Variants in ALDH4A1 observed in about 807,000 individuals in gnomAD.
The protein encoded by ALDH4A1 is delta-1-pyrroline-5-carboxylate dehydrogenase, mitochondrial.
In ALDH4A1, 46 loss-of-function variants were observed where a neutral mutation model predicts 70.5. That is an observed-to-expected ratio of 0.65 (90% CI 0.51 to 0.83). The LOEUF (loss-of-function observed/expected upper bound fraction) is 0.83, where lower values mean the gene tolerates loss of function less well. ALDH4A1 is among the 40% of genes least tolerant of loss of function. The pLI is 0.00. For missense variants in ALDH4A1, 749 were observed against 766.5 expected, an observed-to-expected ratio of 0.98 and a Z score of 0.27; for synonymous variants, 323 against 324.3, an observed-to-expected ratio of 1.00 and a Z score of 0.04.
In ALDH4A1 at chr1:18,877,489, TAG is replaced by T. The variant is rs765634333; in HGVS notation, c.1062_1063del (p.Tyr355ArgfsTer38). On this transcript the variant is annotated frameshift_variant, in exon 10 of 15. Coordinates refer to ENST00000375341, the MANE Select transcript of ALDH4A1 (RefSeq NM_003748.4). LOFTEE classifies it high-confidence loss of function. ...CTGCGGCCACAGCGAGTGCGGCACG[TAG>T]AGACGCGAGCACGCGGAACACTTCT... 12 of 1,603,774 alleles carry T rather than the reference TAG, an allele frequency of 7.5e-6. No individual in the cohort carries two copies. The highest frequency in any genetic ancestry group is 8.5e-6 in the Non-Finnish European group (10 of 1,175,488).
intron 1 of ALDH4A1, among the ~76,000 whole-genome samples, chr1:18,895,000 T>C (rs1935568696): frequency 6.6e-6 from 1 of 151,994 alleles, no homozygotes; most frequent in African/African-American, 2.4e-5. Context: ...ATGAGGACCT[T>C]CTTGGCAGGA....
In ALDH4A1 at chr1:18,872,741, G is replaced by T. The variant is rs1197275490; in HGVS notation, c.*104C>A. 2 of 821,718 alleles carry T rather than the reference G, an allele frequency of 2.4e-6. No homozygotes were observed. The highest frequency in any genetic ancestry group is 3.9e-5 in the Admixed American group (2 of 51,496). The allele number at this position is 821,718 out of a possible 1,614,324, so 50.9% of individuals were successfully genotyped here. A position where few individuals can be genotyped will look rare whatever the true frequency, so the allele number is the denominator to read the frequency against. On this transcript the variant is annotated 3_prime_UTR_variant, in exon 15 of 15. Coordinates refer to ENST00000375341, the MANE Select transcript of ALDH4A1 (RefSeq NM_003748.4). ...GGAGTCAAGCCCGGATTATAGAAAGGCAGCTGTGCATGAAGAAGGGGTGGA... is the reference window on the plus strand; with the variant it reads ...GGAGTCAAGCCCGGATTATAGAAAGTCAGCTGTGCATGAAGAAGGGGTGGA...
At position 18,902,485 on chromosome 1, in the gene ALDH4A1, C is replaced by T; in HGVS notation, c.39G>A (p.Leu13=). ...ACCCGGCCCCGGTCCAGGGGCGGGA[C>T]AGCAGGGCGCGGCGGAGCGCGGGCG... ...LPAPALRRAL[L]SRPWTGAGLR... is the part of the protein sequence containing the mutation. The change falls in exon 1 of 15, where the codon CTG becomes CTA. Residue 13 remains leucine (L), a synonymous_variant. Transcript: ENST00000375341. 1 of 1,469,306 alleles carries T rather than the reference C, an allele frequency of 6.8e-7. No individual in the cohort carries two copies. The highest frequency in any genetic ancestry group is 1.3e-5 in the South Asian group (1 of 76,238). The allele number at this position is 1,469,306 out of a possible 1,614,324, so 91.0% of individuals were successfully genotyped here. A position where few individuals can be genotyped will look rare whatever the true frequency, so the allele number is the denominator to read the frequency against.
Position 18,880,925 on chromosome 1 carries a change from G to A in ALDH4A1, c.866+775C>T, listed in dbSNP as rs957725525. On this transcript the variant is annotated intron_variant, in intron 8 of 14. Transcript: ENST00000375341. This position sits in a 1 kb window ranked among gnomAD's most constrained non-coding sequence, Gnocchi z 5.1. ...CCTTCCATGGCTCCCATCACCTTCA[G>A]GATAAAGGCCAGACACCTTTGCAGA... 6.6e-6 allele frequency among the ~76,000 whole-genome samples: 1 copy of A among 152,042 alleles called. No homozygotes were observed. The highest frequency in any genetic ancestry group is 1.5e-5 in the Non-Finnish European group (1 of 68,004).
intron 5 of ALDH4A1, 190 bp downstream of exon 5, chr1:18,885,283 C>T: frequency 1.6e-6 from 1 of 631,646 alleles, no homozygotes; most frequent in Non-Finnish European, 2.8e-6. Context: ...GGGCTCTGCA[C>T]AATCTGTCTC....
chr1:18,888,972 C>T (rs765465460), intron 3 of ALDH4A1, among the ~76,000 whole-genome samples: 2 of 152,226 alleles, frequency 1.3e-5, no homozygotes, highest in African/African-American at 2.4e-5. Flanking sequence ...ACGTAAAGTG[C>T]ATGCCAGTTT....
intron 1 of ALDH4A1, among the ~76,000 whole-genome samples, chr1:18,902,229 G>A (rs973303653): frequency 6.6e-6 from 1 of 152,196 alleles, no homozygotes; most frequent in African/African-American, 2.4e-5. Flanking sequence ...GATTCGGGAA[G>A]AGGGGTCCCC....
chr1:18,894,262 C>T (rs547321093), intron 1 of ALDH4A1, among the ~76,000 whole-genome samples: 6 of 152,268 alleles, frequency 3.9e-5, no homozygotes, highest in East Asian at 1.9e-4. Flanking sequence ...CGGAGTAGGC[C>T]GGTTGCAGTG....
In ALDH4A1 at chr1:18,877,617, A is replaced by G. The variant is rs1934770746; in HGVS notation, c.941-5T>C. 2.9e-6 allele frequency: 2 copies of G among 689,678 alleles called. No individual in the cohort carries two copies. The highest frequency in any genetic ancestry group is 1.9e-5 in the African/African-American group (1 of 53,314). The allele number at this position is 689,678 out of a possible 1,614,324, so 42.7% of individuals were successfully genotyped here. The stretch of plus-strand genomic sequence containing the variant: ...GGAAGTTCTTTCCGCCGCACTCTAC[A>G]GGGGTCGGGGGTGGGGAAATGACCA... On this transcript the variant is annotated splice_polypyrimidine_tract_variant and splice_region_variant and intron_variant, in intron 9 of 14. Transcript: ENST00000375341.
Position 18,900,568 on chromosome 1 carries a change from G to A in ALDH4A1, c.62+1894C>T, listed in dbSNP as rs149983156. Among the ~76,000 whole-genome samples, 168 of 152,314 alleles carry A rather than the reference G, an allele frequency of 1.1e-3. 2 individuals are homozygous for A. Among genetic ancestry groups the A allele is most frequent in the African/African-American group, 3.9e-3 (164 of 41,566 alleles). ...TGCCCCTGACATGCAGCGGGTAAAG[G>A]CCAGAGACGCTGCTAAACATTCTAC... On this transcript the variant is annotated intron_variant, in intron 1 of 14. Transcript: ENST00000375341.
chr1:18,885,447 C>CCCCCCCCCCCCCCCCCCCCCCCCCA, intron 5 of ALDH4A1, 26 bp downstream of exon 5: 1 of 1,178,962 alleles, frequency 8.5e-7, no homozygotes, highest in East Asian at 2.6e-5. Context: ...CCCCGCCCCA[C>CCCCCCCCCCCCCCCCCCCCCCCCCA]CCACCCGGGC....
rs550735217 is a variant in ALDH4A1, at chr1:18,887,479, A to G, written c.250-968T>C. ...CTGGGCGTGGTGGCGGATGCCTGTA[A>G]TCCCAGCTACTGGGGAGGCTGAGGC... is the stretch of plus-strand genomic sequence containing the variant. On this transcript the variant is annotated intron_variant, in intron 3 of 14. Transcript: ENST00000375341. 2.5e-4 allele frequency among the ~76,000 whole-genome samples: 38 copies of G among 152,346 alleles called. No individual in the cohort carries two copies. In the South Asian group the frequency reaches 5.8e-3, roughly 23 times the overall value.
chr1:18,883,924 A>T (rs1432472038), intron 5 of ALDH4A1, among the ~76,000 whole-genome samples: 2 of 152,170 alleles, frequency 1.3e-5, no homozygotes, highest in Non-Finnish European at 2.9e-5. Flanking sequence ...TGGGCCAAAA[A>T]CCAAGAGGCG....
intron 3 of ALDH4A1, among the ~76,000 whole-genome samples, chr1:18,887,181 A>G (rs1935235904): frequency 6.6e-6 from 1 of 152,260 alleles, no homozygotes; most frequent in Admixed American, 6.5e-5. Context: ...AAACCGCACC[A>G]TTTTGTCAGC....
intron 7 of ALDH4A1, 130 bp downstream of exon 7, chr1:18,882,994 G>T: frequency 1.6e-6 from 2 of 1,250,492 alleles, no homozygotes; most frequent in Non-Finnish European, 2.3e-6. Context: ...ACAGCCCCAA[G>T]CTGCCTCCAC....
At chr1:18,876,267 C>A in intron 12 of ALDH4A1, 48 bp downstream of exon 12, 1 of 1,603,132 alleles carries the variant, frequency 6.2e-7, no homozygotes, top group South Asian at 1.1e-5. Flanking sequence ...GTGCTGTGCT[C>A]CGGTGGGATT....
rs572502588 is a variant in ALDH4A1 at position 18,877,316 on chromosome 1, C to T, written c.1138-61G>A. The T allele has an allele frequency of 1.5e-4, 229 of 1,563,898 alleles. 1 individual carries two copies. The highest frequency in any genetic ancestry group is 1.7e-4 in the Non-Finnish European group (201 of 1,153,094). ...CTGCAGGCCGAGACCAAGGGAGACC[C>T]CTCCCCGCACACCCCAGCCCCGGCT... On this transcript the variant is annotated intron_variant, in intron 10 of 14. Coordinates refer to ENST00000375341, the MANE Select transcript of ALDH4A1 (RefSeq NM_003748.4).
At chr1:18,890,230 T>C in intron 1 of ALDH4A1, 125 bp from the exon 2 acceptor site, 1 of 793,218 alleles carries the variant, frequency 1.3e-6, no homozygotes, top group South Asian at 1.5e-5. Flanking sequence ...CCAATGCAAC[T>C]AGAAAGTGGG....
At chr1:18,901,151 G>C (rs911415890) in intron 1 of ALDH4A1, among the ~76,000 whole-genome samples, 3 of 152,198 alleles carry the variant, frequency 2.0e-5, no homozygotes, top group Admixed American at 6.5e-5. Flanking sequence ...TCAGAGTGCA[G>C]GGAAGGCCTG....
Sources: gnomAD v4.1 joint callset for allele counts (sites outside exome capture counted in the v4.1 genomes callset) on GRCh38, gnomAD v4.1.1 for gene constraint, Gnocchi (gnomAD v3.1) non-coding constraint, MANE v1.5 for transcripts, NCBI Gene and HGNC (gene_info 2026-07-23, HGNC 2026-07-21) for gene names.